Variants in SCLT1 observed in about 807,000 individuals in gnomAD.
SCLT1 encodes sodium channel-associated protein 1.
In SCLT1, 78 loss-of-function variants were observed where a neutral mutation model predicts 112.8. That is an observed-to-expected ratio of 0.69 (90% CI 0.58 to 0.83). The LOEUF (loss-of-function observed/expected upper bound fraction) is 0.83. Ranked by LOEUF, SCLT1 falls within the 40% of genes least tolerant of loss-of-function variation. The pLI is 0.00. For synonymous variants in SCLT1, 257 were observed against 254.7 expected, an observed-to-expected ratio of 1.01 and a Z score of -0.09; for missense variants, 747 against 770.4, an observed-to-expected ratio of 0.97 and a Z score of 0.36.
chr4:129,033,548 T>C (rs1410797032), intron 5 of SCLT1, among the ~76,000 whole-genome samples: 1 of 97,478 alleles, frequency 1.0e-5, no homozygotes, highest in East Asian at 2.8e-4. Flanking sequence ...AGTAATAAGG[T>C]ACTATGAATA....
intron 18 of SCLT1, among the ~76,000 whole-genome samples, chr4:128,899,322 C>A (rs1265572074): frequency 3.3e-5 from 5 of 152,146 alleles, no homozygotes; most frequent in Admixed American, 6.5e-5. Flanking sequence ...AAAGCTTATC[C>A]ACCATGATCA....
rs1738108531 is a variant in SCLT1, at chr4:128,945,855, A to C, written c.1439+152T>G. 1.0e-5 allele frequency: 5 copies of C among 490,392 alleles called. No individual in the cohort carries two copies. In the Admixed American group the frequency reaches 1.1e-4, roughly 11 times the overall value. The allele number at this position is 490,392 out of a possible 1,614,324, so 30.4% of individuals were successfully genotyped here. ...CCTGCAGAAATTCGCTTTCAGAAAT[A>C]ATCTTGAATAAAATTATATTTGGTC... On this transcript the variant is annotated intron_variant, in intron 16 of 20. Transcript: ENST00000281142.
intron 5 of SCLT1, among the ~76,000 whole-genome samples, chr4:129,016,864 T>C (rs1156586991): frequency 6.6e-6 from 1 of 152,216 alleles, no homozygotes; most frequent in Non-Finnish European, 1.5e-5. Flanking sequence ...TAAGATTTTG[T>C]CAAGATTTTA....
At chr4:128,923,627 T>A (rs1413177649) in intron 18 of SCLT1, among the ~76,000 whole-genome samples, 2 of 114,234 alleles carry the variant, frequency 1.8e-5, no homozygotes, top group Non-Finnish European at 3.6e-5. Context: ...CAGTATATAG[T>A]CTTCTATATC....
In SCLT1 at chr4:128,952,752, A is replaced by C; in HGVS notation, c.1218+17T>G. The C allele has an allele frequency of 1.6e-6, 2 of 1,263,466 alleles. No homozygotes were observed. The highest frequency in any genetic ancestry group is 2.3e-6 in the Non-Finnish European group (2 of 861,368). The allele number at this position is 1,263,466 out of a possible 1,614,324, so 78.3% of individuals were successfully genotyped here. On this transcript the variant is annotated intron_variant, in intron 14 of 20. Transcript: ENST00000281142. Reference sequence around the variant, plus strand: ...TAAGTAATATTTGGAAGAAAATATCAGTATAGTCAAACATACCATTTGAAG... The same window carrying C: ...TAAGTAATATTTGGAAGAAAATATCCGTATAGTCAAACATACCATTTGAAG...
At chr4:128,914,363 C>CAACAAAAAA (rs1735321600) in intron 18 of SCLT1, among the ~76,000 whole-genome samples, 1 of 127,604 alleles carries the variant, frequency 7.8e-6, no homozygotes. Context: ...AACTCCGTCT[C>CAACAAAAAA]AAAAAAAAAA....
At chr4:129,072,088 G>A (rs1751064726) in intron 2 of SCLT1, among the ~76,000 whole-genome samples, 1 of 152,138 alleles carries the variant, frequency 6.6e-6, no homozygotes, top group African/African-American at 2.4e-5. Context: ...AGTTTAGCTA[G>A]ATATAAAATC....
rs1223715905 is a variant in SCLT1 at position 129,028,294 on chromosome 4, AACCAAAACAGCATGGTACTGGT to A, written c.290+10725_290+10746del. On this transcript the variant is annotated intron_variant, in intron 5 of 20. Transcript: ENST00000281142. ...TCAAACTATACTGCAAGGCTACAGT[AACCAAAACAGCATGGTACTGGT>A]ACCAAAACAGAGATATAGATCAATG... Among the ~76,000 whole-genome samples, 378 of 152,054 alleles carry A rather than the reference AACCAAAACAGCATGGTACTGGT, an allele frequency of 2.5e-3. 1 individual carries two copies. Among genetic ancestry groups the A allele is most frequent in the African/African-American group, 7.4e-3 (307 of 41,338 alleles).
chr4:129,071,990 C>T (rs192638859), intron 2 of SCLT1, among the ~76,000 whole-genome samples: 4 of 152,090 alleles, frequency 2.6e-5, no homozygotes, highest in South Asian at 2.1e-4. Context: ...TCCTTTTAGC[C>T]GTTCTTGTAG....
chr4:128,897,716 A>G (rs1484776848), intron 18 of SCLT1, among the ~76,000 whole-genome samples: 5 of 152,222 alleles, frequency 3.3e-5, no homozygotes, highest in Admixed American at 3.3e-4. Flanking sequence ...CAATTAAAAG[A>G]CACAGGCTGG....
At chr4:128,973,147 A>T (rs1048223636) in intron 9 of SCLT1, among the ~76,000 whole-genome samples, 5 of 152,084 alleles carry the variant, frequency 3.3e-5, no homozygotes, top group Non-Finnish European at 5.9e-5. Flanking sequence ...CCCATCTTCA[A>T]GTCTTCACTA....
At chr4:129,010,988 T>A (rs1744470359) in intron 5 of SCLT1, among the ~76,000 whole-genome samples, 1 of 152,212 alleles carries the variant, frequency 6.6e-6, no homozygotes, top group Non-Finnish European at 1.5e-5. Flanking sequence ...GGCATCCTTG[T>A]CTTGTGCCAG....
chr4:128,895,685 G>T (rs76654300), intron 18 of SCLT1, among the ~76,000 whole-genome samples: 1 of 152,138 alleles, frequency 6.6e-6, no homozygotes, highest in Non-Finnish European at 1.5e-5. Context: ...GTCAGAAAGC[G>T]GGTGCAGGAC....
downstream of SCLT1, among the ~76,000 whole-genome samples, chr4:128,882,685 GA>G (rs1732669158): frequency 6.6e-6 from 1 of 152,058 alleles, no homozygotes. Flanking sequence ...TGACATTAAA[GA>G]AAATATTCCA....
At position 129,034,984 on chromosome 4, in the gene SCLT1, T is replaced by C. The variant is rs533363192; in HGVS notation, c.290+4057A>G. On this transcript the variant is annotated intron_variant, in intron 5 of 20. Coordinates refer to ENST00000281142, the MANE Select transcript of SCLT1 (RefSeq NM_144643.4). Reference sequence around the variant, plus strand: ...TACAAGTAATAAAACACCCAACAAATAAGTGAGAATAGTCATTTCTGTCTA... The same window carrying C: ...TACAAGTAATAAAACACCCAACAAACAAGTGAGAATAGTCATTTCTGTCTA... Among the ~76,000 whole-genome samples, 18 of 152,192 alleles carry C rather than the reference T, an allele frequency of 1.2e-4. No homozygotes were observed. In the South Asian group the frequency reaches 3.3e-3, roughly 28 times the overall value.
intron 18 of SCLT1, among the ~76,000 whole-genome samples, chr4:128,901,293 T>C (rs758316724): frequency 6.6e-6 from 1 of 152,122 alleles, no homozygotes; most frequent in Non-Finnish European, 1.5e-5. Flanking sequence ...AATGATAGAC[T>C]GGATTAAGAA....
chr4:128,883,157 C>CAAAAAAAAAAAAAA (rs34993678), downstream of SCLT1, among the ~76,000 whole-genome samples: 8 of 57,704 alleles, frequency 1.4e-4, no homozygotes, highest in Admixed American at 2.3e-4. Flanking sequence ...ACAACAACAA[C>CAAAAAAAAAAAAAA]AAAAAAAAAA....
At chr4:128,956,461 C>T (rs555391157) in intron 13 of SCLT1, among the ~76,000 whole-genome samples, 21 of 152,148 alleles carry the variant, frequency 1.4e-4, no homozygotes, top group African/African-American at 5.1e-4. Context: ...ACTTTGGACT[C>T]TGCCTTAAAT....
At chr4:129,057,014 C>T (rs1048623031) in intron 2 of SCLT1, among the ~76,000 whole-genome samples, 10 of 152,104 alleles carry the variant, frequency 6.6e-5, no homozygotes, top group Non-Finnish European at 2.9e-5. Context: ...ACTTTTACAC[C>T]TAATGTGTTG....
Sources: allele counts gnomAD v4.1 joint callset (sites outside exome capture counted in the v4.1 genomes callset), GRCh38; gene constraint gnomAD v4.1.1; transcripts MANE v1.5; gene names NCBI Gene and HGNC (gene_info 2026-07-23, HGNC 2026-07-21).